Variants in SDK1 observed in about 807,000 individuals in gnomAD.
SDK1 encodes the protein protein sidekick-1.
Under a neutral mutation model 245.5 loss-of-function variants are expected in SDK1, and 157 were observed. That is an observed-to-expected ratio of 0.64 (90% CI 0.56 to 0.73). The LOEUF (loss-of-function observed/expected upper bound fraction) is 0.73. Among genes scored for constraint, SDK1 ranks in the 30% least tolerant of loss-of-function variants. The pLI, the probability that SDK1 is intolerant of heterozygous loss-of-function variation, is 0.00. For missense variants in SDK1, 3,583 were observed against 3,002.3 expected (o/e 1.19, Z -4.52); for synonymous variants, 1,647 against 1,278.5 (o/e 1.29, Z -6.15).
chr7:4,133,861 T>C (rs1785027628), intron 28 of SDK1, among the ~76,000 whole-genome samples: 1 of 152,208 alleles, frequency 6.6e-6, no homozygotes, highest in Non-Finnish European at 1.5e-5. Flanking sequence ...TCTAGGTGAT[T>C]TACGGTAAAG....
At position 3,604,701 on chromosome 7, in the gene SDK1, C is replaced by G. The variant is rs560303034; in HGVS notation, c.299-14379C>G. ...CACTGCAACCTCTACCTCCTGGGTT[C>G]AAGTGATTCTGCTGCCTCAGCCTCC... On this transcript the variant is annotated intron_variant, in intron 1 of 44. Coordinates refer to ENST00000404826, the MANE Select transcript of SDK1 (RefSeq NM_152744.4). Among the ~76,000 whole-genome samples, 215 of 148,550 alleles carry G rather than the reference C, an allele frequency of 1.4e-3. 1 individual carries two copies. Among genetic ancestry groups the G allele is most frequent in the African/African-American group, 5.0e-3 (203 of 40,294 alleles).
intron 31 of SDK1, among the ~76,000 whole-genome samples, chr7:4,161,338 C>A (rs1444697768): frequency 6.6e-6 from 1 of 152,202 alleles, no homozygotes; most frequent in Non-Finnish European, 1.5e-5. Context: ...TCCTGACAGC[C>A]TTTTAGTGTT....
intron 4 of SDK1, among the ~76,000 whole-genome samples, chr7:3,647,716 G>T (rs1292641763): frequency 6.6e-6 from 1 of 152,052 alleles, no homozygotes; most frequent in African/African-American, 2.4e-5. Context: ...AGACCACCGT[G>T]CCCGGCCAGT....
chr7:3,545,467 GTCTCAGT>G (rs1779190985), intron 1 of SDK1, among the ~76,000 whole-genome samples: 2 of 152,312 alleles, frequency 1.3e-5, no homozygotes, highest in Admixed American at 1.3e-4. Context: ...CCCTGTAGAA[GTCTCAGT>G]TACTCCTCAT....
chr7:4,021,786 T>C (rs1224007974), intron 17 of SDK1, among the ~76,000 whole-genome samples: 1 of 152,196 alleles, frequency 6.6e-6, no homozygotes, highest in African/African-American at 2.4e-5. Flanking sequence ...AACGTGGCCT[T>C]CCAGCTGGGC....
intron 22 of SDK1, among the ~76,000 whole-genome samples, chr7:4,087,442 C>A (rs1781494447): frequency 6.6e-6 from 1 of 151,108 alleles, no homozygotes; most frequent in African/African-American, 2.5e-5. Context: ...AGGCCTGCTT[C>A]CCCATAACCA....
intron 1 of SDK1, among the ~76,000 whole-genome samples, chr7:3,367,252 G>T (rs903393986): frequency 6.6e-6 from 1 of 151,862 alleles, no homozygotes; most frequent in East Asian, 1.9e-4. Context: ...GTAATTTCAT[G>T]TGATCTGGAT....
chr7:3,457,143 G>C lies in SDK1; in HGVS notation c.298+155259G>C, dbSNP rs116004839. 8.8e-3 allele frequency among the ~76,000 whole-genome samples: 1,336 copies of C among 152,214 alleles called. 15 individuals carry two copies. The highest frequency in any genetic ancestry group is 0.018 in the South Asian group (89 of 4,818). ...TTCTGGTGCCACTGTGCTTACTTGG[G>C]TGTCGTTACTGGGATTCTGTTTGGT... On this transcript the variant is annotated intron_variant, in intron 1 of 44. Transcript: ENST00000404826.
intron 4 of SDK1, among the ~76,000 whole-genome samples, chr7:3,650,859 T>C (rs1361857987): frequency 2.0e-5 from 3 of 151,434 alleles, no homozygotes; most frequent in African/African-American, 7.3e-5. Context: ...TATAATTCCC[T>C]GATTCATCCA....
chr7:4,250,295 T>C (rs1787207819), intron 44 of SDK1, among the ~76,000 whole-genome samples: 1 of 152,200 alleles, frequency 6.6e-6, no homozygotes. Context: ...TCTCCCTTTA[T>C]AGGAAACAAA....
intron 44 of SDK1, among the ~76,000 whole-genome samples, chr7:4,252,519 C>T (rs1417187864): frequency 2.0e-5 from 3 of 152,050 alleles, no homozygotes; most frequent in African/African-American, 4.8e-5. Flanking sequence ...AATAAACATA[C>T]GTGTGTATAA....
chr7:3,857,377 T>G (rs1004826297), intron 5 of SDK1, among the ~76,000 whole-genome samples: 9 of 152,152 alleles, frequency 5.9e-5, no homozygotes, highest in Non-Finnish European at 2.9e-5. Context: ...GCAATATGAT[T>G]ACTTGCGTAG....
intron 23 of SDK1, among the ~76,000 whole-genome samples, chr7:4,112,900 C>T (rs1340757731): frequency 6.6e-6 from 1 of 152,066 alleles, no homozygotes; most frequent in Non-Finnish European, 1.5e-5. Flanking sequence ...ATTCCAGGCA[C>T]CCGCCACCAC....
intron 1 of SDK1, among the ~76,000 whole-genome samples, chr7:3,359,007 G>A (rs1217086335): frequency 2.0e-5 from 3 of 152,106 alleles, no homozygotes; most frequent in South Asian, 2.1e-4. Flanking sequence ...TAAGAACTCC[G>A]GGAGTTATGC....
In SDK1 at chr7:3,836,248, T is replaced by C. The variant is rs73672201; in HGVS notation, c.847+14665T>C. 6.9e-3 allele frequency among the ~76,000 whole-genome samples: 1,051 copies of C among 152,346 alleles called. 12 individuals carry two copies. The highest frequency in any genetic ancestry group is 0.024 in the African/African-American group (986 of 41,586). ...TTGCTTTACAAATGAGCTATAAATATTAGTTCTGCATCTCCAAGCCATTCA... is the reference window on the plus strand; with the variant it reads ...TTGCTTTACAAATGAGCTATAAATACTAGTTCTGCATCTCCAAGCCATTCA... On this transcript the variant is annotated intron_variant, in intron 5 of 44. Coordinates refer to ENST00000404826, the MANE Select transcript of SDK1 (RefSeq NM_152744.4).
chr7:4,003,210 C>T (rs1003936040), intron 14 of SDK1, among the ~76,000 whole-genome samples: 1 of 152,236 alleles, frequency 6.6e-6, no homozygotes, highest in African/African-American at 2.4e-5. Context: ...CATGACCTTC[C>T]ACTGCAGGTT....
intron 35 of SDK1, among the ~76,000 whole-genome samples, chr7:4,195,747 G>C (rs1333956216): frequency 6.6e-6 from 1 of 152,144 alleles, no homozygotes; most frequent in East Asian, 1.9e-4. Flanking sequence ...CTGCAGAGAG[G>C]ACCAGATCCG....
intron 17 of SDK1, among the ~76,000 whole-genome samples, chr7:4,032,026 C>CA (rs1190606605): frequency 0.031 from 2,289 of 73,096 alleles, 63 homozygotes; most frequent in African/African-American, 0.074. Context: ...GACTCTGCCT[C>CA]AAAAAAAAAA....
intron 1 of SDK1, among the ~76,000 whole-genome samples, chr7:3,487,229 A>G (rs1781727577): frequency 6.6e-6 from 1 of 152,234 alleles, no homozygotes; most frequent in Admixed American, 6.5e-5. Context: ...TATTAAGTTT[A>G]TGTAATATCG....
Sources: allele counts gnomAD v4.1 joint callset (sites outside exome capture counted in the v4.1 genomes callset), GRCh38; gene constraint gnomAD v4.1.1; transcripts MANE v1.5; gene names NCBI Gene and HGNC (gene_info 2026-07-23, HGNC 2026-07-21).